Variants in VAT1L observed in about 807,000 individuals in gnomAD.
VAT1L encodes vesicle amine transport 1 like.
In VAT1L, 34 loss-of-function variants were observed where a neutral mutation model predicts 44.1. The observed-to-expected ratio is 0.77, with a 90% CI of 0.59 to 1.03. The LOEUF is 1.03. Among genes scored for constraint, VAT1L ranks in the 50% least tolerant of loss-of-function variants. VAT1L has a pLI of 0.00. For missense variants in VAT1L, 615 were observed against 538.8 expected, an observed-to-expected ratio of 1.14 and a Z score of -1.40; for synonymous variants, 253 against 202.2, an observed-to-expected ratio of 1.25 and a Z score of -2.13.
At chr16:77,915,332 G>T (rs983290375) in intron 7 of VAT1L, among the ~76,000 whole-genome samples, 1 of 152,172 alleles carries the variant, frequency 6.6e-6, no homozygotes, top group Non-Finnish European at 1.5e-5. Flanking sequence ...TATCATAAAT[G>T]TATGCATATA....
intron 7 of VAT1L, among the ~76,000 whole-genome samples, chr16:77,956,687 T>C (rs1221730613): frequency 6.6e-6 from 1 of 152,204 alleles, no homozygotes; most frequent in Non-Finnish European, 1.5e-5. Context: ...CTATCCTTCC[T>C]CGTGGGAGGA....
intron 3 of VAT1L, among the ~76,000 whole-genome samples, chr16:77,836,478 T>C (rs2016640182): frequency 6.6e-6 from 1 of 152,194 alleles, no homozygotes; most frequent in Non-Finnish European, 1.5e-5. Flanking sequence ...CAGGAAGGGC[T>C]ATGGCTGGGG....
intron 4 of VAT1L, among the ~76,000 whole-genome samples, chr16:77,868,709 T>C (rs2017000632): frequency 1.3e-5 from 2 of 152,142 alleles, no homozygotes; most frequent in South Asian, 4.2e-4. Flanking sequence ...AGATTGCCTG[T>C]ATTAAAGCAT....
At chr16:77,837,411 T>TATGAAATTAAACCTCAGGCTCCTGTGTCC (rs1408243478) in intron 3 of VAT1L, among the ~76,000 whole-genome samples, 1 of 152,114 alleles carries the variant, frequency 6.6e-6, no homozygotes, top group Non-Finnish European at 1.5e-5. Flanking sequence ...CTGCTGCATC[T>TATGAAATTAAACCTCAGGCTCCTGTGTCC]ATGAAATTAA....
At position 77,839,097 on chromosome 16, in the gene VAT1L, G is replaced by A. The variant is rs549781984; in HGVS notation, c.579+13636G>A. Among the ~76,000 whole-genome samples, 52 of 152,214 alleles carry A rather than the reference G, an allele frequency of 3.4e-4. 1 individual carries two copies. In the South Asian group the frequency reaches 0.011, roughly 31 times the overall value. On this transcript the variant is annotated intron_variant, in intron 3 of 8. Transcript: ENST00000302536. Reference sequence around the variant, plus strand: ...ACTAGAGGGAGGAGTAAAAGCTGCCGCAGAACATGAGGACGTAAGTGCCTG... The same window carrying A: ...ACTAGAGGGAGGAGTAAAAGCTGCCACAGAACATGAGGACGTAAGTGCCTG...
At position 77,971,886 on chromosome 16, in the gene VAT1L, A is replaced by T. The variant is rs778799500; in HGVS notation, c.1114A>T (p.Asn372Tyr). ...CATGCAGCGGATTCACGACCGAGGG[A>T]ACATTGGCAAGTTAATTCTGGATGT... ...EAMQRIHDRG[N>Y]IGKLILDVEK... The change falls in exon 8 of 9, where the codon AAC (asparagine) becomes TAC (tyrosine). Residue 372 changes from asparagine (N) to tyrosine (Y), a missense_variant. Coordinates refer to ENST00000302536, the MANE Select transcript of VAT1L (RefSeq NM_020927.3). 4.3e-6 allele frequency: 7 copies of T among 1,613,848 alleles called. No homozygotes were observed. Among genetic ancestry groups the T allele is most frequent in the Non-Finnish European group, 5.9e-6 (7 of 1,179,882 alleles).
chr16:77,895,950 C>T (rs929497185), intron 7 of VAT1L, among the ~76,000 whole-genome samples: 1 of 152,130 alleles, frequency 6.6e-6, no homozygotes, highest in Non-Finnish European at 1.5e-5. Context: ...GAGACCCAGG[C>T]CTGTGCCACA....
At chr16:77,854,137 A>G (rs1168911006) in intron 3 of VAT1L, among the ~76,000 whole-genome samples, 1 of 152,030 alleles carries the variant, frequency 6.6e-6, no homozygotes, top group African/African-American at 2.4e-5. Context: ...CAAACGAAAA[A>G]AAAAAAATTG....
At position 77,816,518 on chromosome 16, in the gene VAT1L, CT is replaced by C. The variant is rs576196879; in HGVS notation, c.234-402del. On this transcript the variant is annotated intron_variant, in intron 1 of 8. Coordinates refer to ENST00000302536, the MANE Select transcript of VAT1L (RefSeq NM_020927.3). ...TTAGGTCTGGCTGCTTTCCATGTGT[CT>C]GTTTATAACCACTTCCTGGTAAATC... 5.5e-4 allele frequency among the ~76,000 whole-genome samples: 84 copies of C among 152,278 alleles called. 2 individuals carry two copies. The highest frequency in any genetic ancestry group is 5.4e-3 in the Admixed American group (82 of 15,296).
At position 77,843,227 on chromosome 16, in the gene VAT1L, A is replaced by T. The variant is rs575906839; in HGVS notation, c.579+17766A>T. ...GTGGGAGCATCAAGGTGACCTTGCTATGGGCTGTTTTTTCAATGGTTTATA... is the reference window on the plus strand; with the variant it reads ...GTGGGAGCATCAAGGTGACCTTGCTTTGGGCTGTTTTTTCAATGGTTTATA... On this transcript the variant is annotated intron_variant, in intron 3 of 8. Coordinates refer to ENST00000302536, the MANE Select transcript of VAT1L (RefSeq NM_020927.3). Among the ~76,000 whole-genome samples the T allele has an allele frequency of 2.6e-5, 4 of 152,126 alleles. No homozygotes were observed. In the South Asian group the frequency reaches 8.3e-4, roughly 32 times the overall value.
intron 7 of VAT1L, among the ~76,000 whole-genome samples, chr16:77,952,347 A>C (rs971169344): frequency 5.3e-5 from 8 of 152,136 alleles, no homozygotes; most frequent in Non-Finnish European, 1.2e-4. Flanking sequence ...GATGGGGCCT[A>C]GTGGGAGGTG....
intron 3 of VAT1L, among the ~76,000 whole-genome samples, chr16:77,841,388 C>T (rs1054087119): frequency 1.3e-5 from 2 of 152,196 alleles, no homozygotes; most frequent in Admixed American, 1.3e-4. Flanking sequence ...TGGCCAATAA[C>T]ACATTTTTTA....
chr16:77,813,563 G>C (rs2016302172), intron 1 of VAT1L, among the ~76,000 whole-genome samples: 1 of 152,196 alleles, frequency 6.6e-6, no homozygotes, highest in South Asian at 2.1e-4. Context: ...AGTCTACAAA[G>C]CCTCATCCTG....
chr16:77,938,823 G>A (rs1161224835), intron 7 of VAT1L, among the ~76,000 whole-genome samples: 1 of 152,042 alleles, frequency 6.6e-6, no homozygotes, highest in African/African-American at 2.4e-5. Context: ...AGGTGAGTGA[G>A]GAAAGAAAAT....
chr16:77,930,328 G>C (rs1248629563), intron 7 of VAT1L, among the ~76,000 whole-genome samples: 4 of 152,138 alleles, frequency 2.6e-5, no homozygotes, highest in South Asian at 2.1e-4. Flanking sequence ...ATGTTCTTTG[G>C]GGGGACATGG....
intron 8 of VAT1L, among the ~76,000 whole-genome samples, chr16:77,975,070 A>C (rs2018321447): frequency 6.6e-6 from 1 of 151,940 alleles, no homozygotes; most frequent in Non-Finnish European, 1.5e-5. Context: ...TAGGGTTAGC[A>C]CCTGACAGAA....
chr16:77,907,029 C>A (rs1372092899), intron 7 of VAT1L, among the ~76,000 whole-genome samples: 1 of 151,860 alleles, frequency 6.6e-6, no homozygotes, highest in Non-Finnish European at 1.5e-5. Context: ...AGAAAACTCC[C>A]AATTAGAGGT....
chr16:77,926,068 C>G (rs955604981), intron 7 of VAT1L, among the ~76,000 whole-genome samples: 2 of 150,286 alleles, frequency 1.3e-5, no homozygotes, highest in African/African-American at 4.9e-5. Flanking sequence ...CGAGACCATC[C>G]TGGCTAACAC....
At chr16:77,891,827 C>G (rs2017269607) in intron 7 of VAT1L, among the ~76,000 whole-genome samples, 1 of 152,194 alleles carries the variant, frequency 6.6e-6, no homozygotes, top group South Asian at 2.1e-4. Flanking sequence ...AATCCCAGCA[C>G]TTTGGGAGGG....
Sources: gnomAD v4.1 joint callset for allele counts (sites outside exome capture counted in the v4.1 genomes callset) on GRCh38, gnomAD v4.1.1 for gene constraint, MANE v1.5 for transcripts, NCBI Gene and HGNC (gene_info 2026-07-23, HGNC 2026-07-21) for gene names.